TNKS: variants seen among roughly 807,000 people sequenced by gnomAD.
The protein encoded by TNKS is poly [ADP-ribose] polymerase tankyrase-1.
In TNKS, 72 loss-of-function variants were observed where a neutral mutation model predicts 135.8. That is an observed-to-expected ratio of 0.53 (90% CI 0.44 to 0.64). The LOEUF (loss-of-function observed/expected upper bound fraction) is 0.64. Among genes scored for constraint, TNKS ranks in the 30% least tolerant of loss-of-function variants. The pLI, the probability that TNKS is intolerant of heterozygous loss-of-function variation, is 0.00. For synonymous variants in TNKS, 849 were observed against 649.3 expected (o/e 1.31, Z -4.68); for missense variants, 1,769 against 1,674.0 (o/e 1.06, Z -0.99).
intron 17 of TNKS, among the ~76,000 whole-genome samples, chr8:9,746,762 C>A (rs1806256448): frequency 6.6e-6 from 1 of 152,088 alleles, no homozygotes; most frequent in African/African-American, 2.4e-5. Flanking sequence ...ATGATGCCCC[C>A]TCGACTGTGC....
chr8:9,600,004 G>C (rs916864181), intron 2 of TNKS, among the ~76,000 whole-genome samples: 1 of 152,064 alleles, frequency 6.6e-6, no homozygotes, highest in African/African-American at 2.4e-5. Flanking sequence ...TTTTTGAGTG[G>C]GTAATTAAAT....
intron 2 of TNKS, among the ~76,000 whole-genome samples, chr8:9,592,956 G>A (rs1798641608): frequency 6.6e-6 from 1 of 152,124 alleles, no homozygotes; most frequent in South Asian, 2.1e-4. Context: ...TCAAGTAACT[G>A]CTTATTCTTC....
intron 20 of TNKS, among the ~76,000 whole-genome samples, chr8:9,753,660 A>T (rs534760983): frequency 6.6e-6 from 1 of 152,212 alleles, no homozygotes; most frequent in African/African-American, 2.4e-5. Context: ...AAGAATGGGA[A>T]AGGTGTTTAG....
At chr8:9,572,369 C>T (rs936805590) in intron 1 of TNKS, among the ~76,000 whole-genome samples, 1 of 152,174 alleles carries the variant, frequency 6.6e-6, no homozygotes, top group Non-Finnish European at 1.5e-5. Context: ...GACTTTGCTA[C>T]AAAGTGTCCA....
intron 13 of TNKS, among the ~76,000 whole-genome samples, chr8:9,727,910 C>G (rs1449330891): frequency 1.3e-5 from 2 of 152,096 alleles, no homozygotes; most frequent in Non-Finnish European, 2.9e-5. Flanking sequence ...TGTCTTAAAT[C>G]TAAAACTGTA....
chr8:9,751,550 A>G, intron 18 of TNKS, 59 bp from the exon 19 acceptor site: 1 of 1,502,622 alleles, frequency 6.7e-7, no homozygotes, highest in Non-Finnish European at 9.1e-7. Flanking sequence ...TATCAGTGAA[A>G]AACTTACCAT....
chr8:9,765,446 T>C (rs945914450), intron 23 of TNKS, among the ~76,000 whole-genome samples: 13 of 152,078 alleles, frequency 8.5e-5, no homozygotes, highest in African/African-American at 2.7e-4. Context: ...TTTTTTTTTT[T>C]AATCCTGAGG....
chr8:9,608,618 C>G (rs1799327192), intron 2 of TNKS, among the ~76,000 whole-genome samples: 1 of 152,108 alleles, frequency 6.6e-6, no homozygotes, highest in South Asian at 2.1e-4. Context: ...GCCATGTGAT[C>G]CCTGGGGACT....
intron 3 of TNKS, among the ~76,000 whole-genome samples, chr8:9,661,215 C>A (rs372980288): frequency 4.6e-5 from 7 of 151,944 alleles, no homozygotes; most frequent in Non-Finnish European, 1.0e-4. Flanking sequence ...ACTTTCTTCA[C>A]AGAATTGGAA....
chr8:9,664,743 T>A (rs572338136), intron 3 of TNKS, among the ~76,000 whole-genome samples: 1 of 152,352 alleles, frequency 6.6e-6, no homozygotes, highest in East Asian at 1.9e-4. Flanking sequence ...GCATGTGTAA[T>A]TTAAGTTCAA....
At chr8:9,636,089 T>A (rs991016473) in intron 3 of TNKS, among the ~76,000 whole-genome samples, 2 of 152,198 alleles carry the variant, frequency 1.3e-5, no homozygotes, top group Admixed American at 1.3e-4. Context: ...GGAGAAATAA[T>A]GTATCGATGT....
chr8:9,593,184 T>C (rs1798651294), intron 2 of TNKS, among the ~76,000 whole-genome samples: 1 of 152,136 alleles, frequency 6.6e-6, no homozygotes, highest in Admixed American at 6.5e-5. Flanking sequence ...AGTTGATACG[T>C]AATATTGTAA....
At chr8:9,669,097 A>G (rs1237380773) in intron 3 of TNKS, among the ~76,000 whole-genome samples, 1 of 152,162 alleles carries the variant, frequency 6.6e-6, no homozygotes, top group Non-Finnish European at 1.5e-5. Context: ...GTGAAAGAAA[A>G]AGTACATAAA....
chr8:9,726,848 A>G, intron 13 of TNKS, 128 bp downstream of exon 13: 1 of 721,072 alleles, frequency 1.4e-6, no homozygotes, highest in Non-Finnish European at 2.3e-6. Flanking sequence ...TGGGCAGGAA[A>G]AATCTGTACT....
intron 5 of TNKS, among the ~76,000 whole-genome samples, chr8:9,685,423 A>C (rs1455541822): frequency 2.0e-5 from 3 of 152,202 alleles, no homozygotes; most frequent in African/African-American, 7.2e-5. Flanking sequence ...TACCTAGTAC[A>C]GTTTGTAGCA....
At chr8:9,762,203 C>G (rs1307836956) in intron 21 of TNKS, among the ~76,000 whole-genome samples, 1 of 149,386 alleles carries the variant, frequency 6.7e-6, no homozygotes, top group Non-Finnish European at 1.5e-5. Context: ...CGTTACAAGC[C>G]TCTTTCCCCT....
At chr8:9,766,818 G>T (rs1389907271) in intron 25 of TNKS, among the ~76,000 whole-genome samples, 1 of 152,130 alleles carries the variant, frequency 6.6e-6, no homozygotes, top group African/African-American at 2.4e-5. Context: ...AGAAGTCACA[G>T]ATTATCCTCA....
intron 26 of TNKS, among the ~76,000 whole-genome samples, chr8:9,774,939 C>T (rs1161232300): frequency 6.6e-6 from 1 of 152,192 alleles, no homozygotes; most frequent in African/African-American, 2.4e-5. Context: ...TTTTGACACT[C>T]AGCATATGCC....
chr8:9,556,525 T>G lies in TNKS; in HGVS notation c.586T>G (p.Ser196Ala). Reference protein sequence around the residue: ...LLEACRNGDVSRVKRLVDAAN... With the variant: ...LLEACRNGDVARVKRLVDAAN... ...GGAGGCCTGTCGCAATGGGGACGTG[T>G]CCCGGGTAAAGAGGCTGGTGGACGC... is the stretch of plus-strand genomic sequence containing the variant. Residue 196 changes from serine (S) to alanine (A), a missense_variant, in exon 1 of 27, where the codon TCC becomes GCC. This residue lies in a region of TNKS where 450 missense variants were observed against 304.9 expected (regional missense o/e 1.48). Transcript: ENST00000310430. The G allele has an allele frequency of 6.2e-7, 1 of 1,614,026 alleles. No individual in the cohort carries two copies. The highest frequency in any genetic ancestry group is 8.5e-7 in the Non-Finnish European group (1 of 1,180,006).
Sources: gnomAD v4.1 joint callset for allele counts (sites outside exome capture counted in the v4.1 genomes callset) on GRCh38, gnomAD v4.1.1 for gene constraint, gnomAD v4.1.1 regional missense constraint, MANE v1.5 for transcripts, NCBI Gene and HGNC (gene_info 2026-07-23, HGNC 2026-07-21) for gene names.